Variants in BOC observed in about 807,000 individuals in gnomAD.
BOC encodes brother of CDO.
A neutral mutation model predicts 112.0 loss-of-function variants in BOC; 76 were observed. The observed-to-expected ratio is 0.68, with a 90% CI of 0.56 to 0.82. The LOEUF (loss-of-function observed/expected upper bound fraction) is 0.82, where lower values mean the gene tolerates loss of function less well. BOC is among the 40% of genes least tolerant of loss of function. The pLI, the probability that BOC is intolerant of heterozygous loss-of-function variation, is 0.00. For missense variants in BOC, 1,309 were observed against 1,511.7 expected (o/e 0.87, Z 2.22); for synonymous variants, 580 against 599.8 (o/e 0.97, Z 0.48).
At position 113,270,891 on chromosome 3, in the gene BOC, C is replaced by T; in HGVS notation, c.614C>T (p.Pro205Leu). 1 of 1,614,210 alleles carries T rather than the reference C, an allele frequency of 6.2e-7. No homozygotes were observed. Among genetic ancestry groups the T allele is most frequent in the East Asian group, 2.2e-5 (1 of 44,872 alleles). Residue 205 changes from proline (P) to leucine (L), a missense_variant, in exon 6 of 20, where the codon CCA becomes CTA. By Grantham distance (98) the Pro-to-Leu change is moderately conservative. Coordinates refer to ENST00000682979, the MANE Select transcript of BOC (RefSeq NM_001378074.1). Reference sequence around the variant, plus strand: ...ATGTACAAGTGTGCAGCCTACAACCCAGTGACCCAGGAAGTGAAAACCTCC... The same window carrying T: ...ATGTACAAGTGTGCAGCCTACAACCTAGTGACCCAGGAAGTGAAAACCTCC... ...EGMYKCAAYN[P>L]VTQEVKTSGS... is the part of the protein sequence containing the mutation.
At chr3:113,231,972 T>C (rs1277991708) in intron 2 of BOC, among the ~76,000 whole-genome samples, 1 of 152,196 alleles carries the variant, frequency 6.6e-6, no homozygotes, top group Non-Finnish European at 1.5e-5. Context: ...AGCATAGTGA[T>C]GGTATTAGTC....
At chr3:113,235,599 G>A (rs781189255) in intron 2 of BOC, among the ~76,000 whole-genome samples, 1 of 152,148 alleles carries the variant, frequency 6.6e-6, no homozygotes, top group Non-Finnish European at 1.5e-5. Flanking sequence ...GAGGGCATAA[G>A]TGGGGGAAGG....
chr3:113,221,293 A>T (rs1171853349), intron 2 of BOC, among the ~76,000 whole-genome samples: 5 of 152,212 alleles, frequency 3.3e-5, no homozygotes, highest in Non-Finnish European at 5.9e-5. Context: ...AGCTAGAAGG[A>T]TGAGCAGGTG....
intron 4 of BOC, among the ~76,000 whole-genome samples, chr3:113,263,266 A>T (rs937547615): frequency 6.6e-6 from 1 of 152,172 alleles, no homozygotes; most frequent in African/African-American, 2.4e-5. Flanking sequence ...GACCTAATGG[A>T]TCCCATCCAG....
chr3:113,278,853 C>T lies in BOC; in HGVS notation c.1816+70C>T. The T allele has an allele frequency of 7.6e-7, 1 of 1,311,108 alleles. No homozygotes were observed. The highest frequency in any genetic ancestry group is 1.1e-6 in the Non-Finnish European group (1 of 933,504). 81.2% of individuals were successfully genotyped at this position (1,311,108 alleles called of 1,614,324 possible). A position where few individuals can be genotyped will look rare whatever the true frequency, so the allele number is the denominator to read the frequency against. On this transcript the variant is annotated intron_variant, in intron 11 of 19. Transcript: ENST00000682979. This position sits in a 1 kb window ranked among gnomAD's most constrained non-coding sequence, Gnocchi z 4.2. ...CTGCCTCAGAGGCCTGTTCCCATGG[C>T]TGAATGGGGTCTTGCTTCTGTAGGT...
chr3:113,225,402 G>T (rs916474313), intron 2 of BOC, among the ~76,000 whole-genome samples: 1 of 152,214 alleles, frequency 6.6e-6, no homozygotes, highest in Non-Finnish European at 1.5e-5. Flanking sequence ...GGAGGAATGA[G>T]ACTCACAGCA....
rs1450673847 is a variant in BOC, at chr3:113,249,751, G to T, written c.-52G>T. ...TTGCCAGGGACGGCAGTATCTCTTT[G>T]TGTGACCCTGGCGGCTTATGGGACG... On this transcript the variant is annotated 5_prime_UTR_variant, in exon 3 of 20. Coordinates refer to ENST00000682979, the MANE Select transcript of BOC (RefSeq NM_001378074.1). 1.3e-6 allele frequency: 2 copies of T among 1,484,412 alleles called. No individual in the cohort carries two copies. The highest frequency in any genetic ancestry group is 9.3e-7 in the Non-Finnish European group (1 of 1,079,160). The allele number at this position is 1,484,412 out of a possible 1,614,324, so 92.0% of individuals were successfully genotyped here.
intron 2 of BOC, among the ~76,000 whole-genome samples, chr3:113,221,826 TCCTTCCCTCTCAGGGGTCCTCACCTCACC>T (rs899091386): frequency 3.9e-5 from 6 of 152,084 alleles, no homozygotes; most frequent in South Asian, 4.2e-4. Flanking sequence ...AACACCTCAC[TCCTTCCCTCTCAGGGGTCCTCACCTCACC>T]CCTTCCCTCT....
intron 4 of BOC, among the ~76,000 whole-genome samples, chr3:113,257,664 T>C (rs962958237): frequency 6.7e-6 from 1 of 149,348 alleles, no homozygotes; most frequent in Non-Finnish European, 1.5e-5. Flanking sequence ...AATTTATCTT[T>C]CATTTCCAAC....
In BOC at chr3:113,278,364, A is replaced by G; in HGVS notation, c.1705+107A>G. On this transcript the variant is annotated intron_variant, in intron 10 of 19. Transcript: ENST00000682979. The surrounding 1 kb of genome is among the most constrained non-coding windows in gnomAD (Gnocchi z 4.2). Reference sequence around the variant, plus strand: ...ACCTTGCCCCAGCTGTTCACCTTGAACTTCATCTTTCCTTCCAGCTACTGC... The same window carrying G: ...ACCTTGCCCCAGCTGTTCACCTTGAGCTTCATCTTTCCTTCCAGCTACTGC... 1.6e-6 allele frequency: 2 copies of G among 1,266,496 alleles called. No homozygotes were observed. Among genetic ancestry groups the G allele is most frequent in the Non-Finnish European group, 2.2e-6 (2 of 903,806 alleles). The allele number at this position is 1,266,496 out of a possible 1,614,324, so 78.5% of individuals were successfully genotyped here.
intron 3 of BOC, among the ~76,000 whole-genome samples, 181 bp downstream of exon 3, chr3:113,250,080 A>G (rs1945418458): frequency 6.6e-6 from 1 of 152,220 alleles, no homozygotes; most frequent in Non-Finnish European, 1.5e-5. Flanking sequence ...TATTGGTTAT[A>G]GTTTGGTATT....
chr3:113,245,998 G>C (rs553900852), intron 2 of BOC, among the ~76,000 whole-genome samples: 7 of 152,312 alleles, frequency 4.6e-5, no homozygotes, highest in South Asian at 2.1e-4. Flanking sequence ...GCCTCCTCCT[G>C]ATGATGATCG....
intron 2 of BOC, among the ~76,000 whole-genome samples, chr3:113,240,007 A>C (rs927597755): frequency 7.9e-5 from 12 of 152,198 alleles, no homozygotes; most frequent in Non-Finnish European, 1.3e-4. Flanking sequence ...GTCATCAGGG[A>C]GTTCATACCG....
intron 1 of BOC, among the ~76,000 whole-genome samples, chr3:113,213,424 T>G (rs772171775): frequency 1.2e-4 from 19 of 152,252 alleles, no homozygotes; most frequent in Non-Finnish European, 2.2e-4. Flanking sequence ...ATTCCACGAC[T>G]GGGTCTTAAA....
chr3:113,213,889 T>C (rs1012698506), intron 1 of BOC, among the ~76,000 whole-genome samples: 7 of 152,204 alleles, frequency 4.6e-5, no homozygotes, highest in Non-Finnish European at 1.0e-4. Flanking sequence ...TGTCCTCCCC[T>C]GTATAGATTT....
intron 2 of BOC, among the ~76,000 whole-genome samples, chr3:113,239,088 C>G (rs907574992): frequency 6.6e-6 from 1 of 152,110 alleles, no homozygotes; most frequent in Non-Finnish European, 1.5e-5. Context: ...CAGATACACT[C>G]GATTTGGAAG....
chr3:113,236,675 AG>A (rs1224764008), intron 2 of BOC, among the ~76,000 whole-genome samples: 2 of 152,162 alleles, frequency 1.3e-5, no homozygotes, highest in African/African-American at 4.8e-5. Context: ...ATCTACAAAA[AG>A]TTTTAAAAAT....
chr3:113,252,771 C>T lies in BOC; in HGVS notation c.376+1938C>T, dbSNP rs553884085. On this transcript the variant is annotated intron_variant, in intron 4 of 19. Transcript: ENST00000682979. ...AGCCCCCCTCACAGTGGAGCCACTC[C>T]TCTTTGTGGCAGAAGGGTCACCCAT... Among the ~76,000 whole-genome samples the T allele has an allele frequency of 3.9e-5, 6 of 152,320 alleles. No homozygotes were observed. In the South Asian group the frequency reaches 6.2e-4, roughly 16 times the overall value.
chr3:113,284,856 G>T lies in BOC; in HGVS notation c.2964G>T (p.Thr988=). 3 of 1,614,036 alleles carry T rather than the reference G, an allele frequency of 1.9e-6. No individual in the cohort carries two copies. Among genetic ancestry groups the T allele is most frequent in the Non-Finnish European group, 2.5e-6 (3 of 1,179,892 alleles). The change falls in exon 18 of 20, where the codon ACG becomes ACT. Residue 988 remains threonine (T), a splice_region_variant and synonymous_variant. Transcript: ENST00000682979. ...ATGACCCCCAAAGTCACCAGATCAC[G>T]AGGTAACCAGGCCTCTCCCCTTTCA... ...NGYDPQSHQI[T]RGPKSSPDEG...
Sources: allele counts gnomAD v4.1 joint callset (sites outside exome capture counted in the v4.1 genomes callset), GRCh38; gene constraint gnomAD v4.1.1; non-coding constraint Gnocchi (gnomAD v3.1); transcripts MANE v1.5; gene names NCBI Gene and HGNC (gene_info 2026-07-23, HGNC 2026-07-21).